Variants in UBXN6 observed in about 807,000 individuals in gnomAD.
UBXN6 encodes UBX domain-containing protein 6.
Under a neutral mutation model 51.4 loss-of-function variants are expected in UBXN6, and 44 were observed. The ratio of observed to expected loss-of-function variants is 0.86; its 90% confidence interval spans 0.67 to 1.10. The LOEUF (loss-of-function observed/expected upper bound fraction) is 1.10, where lower values mean the gene tolerates loss of function less well. Among genes scored for constraint, UBXN6 ranks in the 50% least tolerant of loss-of-function variants. UBXN6 has a pLI of 0.00. For synonymous variants in UBXN6, 316 were observed against 263.2 expected, an observed-to-expected ratio of 1.20 and a Z score of -1.94; for missense variants, 672 against 596.1, an observed-to-expected ratio of 1.13 and a Z score of -1.32.
Position 4,445,568 on chromosome 19 carries a change from TTGA to T in UBXN6, c.1253_1255del (p.Ile418del). On this transcript the variant is annotated inframe_deletion, in exon 11 of 11. Transcript: ENST00000301281. ...GGAGTCCGGCTCGGCCCCCGCGGCC[TTGA>T]TGTCCTCCAGCACAGCCATGTCCCA... 6.2e-7 allele frequency: 1 copy of T among 1,613,806 alleles called. No individual in the cohort carries two copies. The highest frequency in any genetic ancestry group is 8.5e-7 in the Non-Finnish European group (1 of 1,180,008).
intron 4 of UBXN6, chr19:4,450,786 A>AAAAAAAAG (rs1974640527): frequency 7.2e-6 from 1 of 139,780 alleles, no homozygotes; most frequent in African/African-American, 2.7e-5. Context: ...AAAAAAAAAA[A>AAAAAAAAG]GAGTGCCTAC....
rs888797561 is a variant in UBXN6, at chr19:4,445,206, G to T, written c.*292C>A. On this transcript the variant is annotated 3_prime_UTR_variant, in exon 11 of 11. Transcript: ENST00000301281. ...TCTCCTGCCCAGGGAGATGCCACGTGTGTCTGTCCGGCAGCTTCATGACAC... is the reference window on the plus strand; with the variant it reads ...TCTCCTGCCCAGGGAGATGCCACGTTTGTCTGTCCGGCAGCTTCATGACAC... 2.1e-5 allele frequency: 8 copies of T among 389,470 alleles called. No individual in the cohort carries two copies. Among genetic ancestry groups the T allele is most frequent in the African/African-American group, 4.2e-5 (2 of 48,140 alleles). The allele number at this position is 389,470 out of a possible 1,614,324, so 24.1% of individuals were successfully genotyped here.
chr19:4,448,317 C>G lies in UBXN6; in HGVS notation c.539+1G>C. The G allele has an allele frequency of 6.2e-7, 1 of 1,604,044 alleles. No individual in the cohort carries two copies. The highest frequency in any genetic ancestry group is 8.5e-7 in the Non-Finnish European group (1 of 1,176,354). On this transcript the variant is annotated splice_donor_variant, in intron 5 of 10. Coordinates refer to ENST00000301281, the MANE Select transcript of UBXN6 (RefSeq NM_025241.3). LOFTEE classifies it high-confidence loss of function. Reference sequence around the variant, plus strand: ...GCAGGGCAAAGGGGCCACACGCTCACTTGGCAATGGTGTCCACACCCAGCT... The same window carrying G: ...GCAGGGCAAAGGGGCCACACGCTCAGTTGGCAATGGTGTCCACACCCAGCT...
intron 5 of UBXN6, 135 bp downstream of exon 5, chr19:4,448,183 C>G (rs1341702491): frequency 2.6e-6 from 2 of 770,916 alleles, no homozygotes; most frequent in Non-Finnish European, 4.2e-6. Context: ...GTGGAGCTGC[C>G]TCACTCTCGG....
intron 2 of UBXN6, 41 bp downstream of exon 2, chr19:4,453,889 C>G (rs755186878): frequency 6.3e-7 from 1 of 1,592,446 alleles, no homozygotes; most frequent in Non-Finnish European, 8.5e-7. Context: ...CCGAGAACCT[C>G]AAACAGCCCC....
Position 4,457,780 on chromosome 19 carries a change from C to G in UBXN6, c.-83G>C. 1.7e-6 allele frequency: 1 copy of G among 581,966 alleles called. No homozygotes were observed. The highest frequency in any genetic ancestry group is 4.2e-5 in the East Asian group (1 of 23,998). 36.1% of individuals were successfully genotyped at this position (581,966 alleles called of 1,614,324 possible). ...CGGGGACGGGGCCGCCGGAGACCAG[C>G]CACCGGAAGAAAATTAAAAAAAAAA... On this transcript the variant is annotated 5_prime_UTR_variant, in exon 1 of 11. Transcript: ENST00000301281.
chr19:4,453,069 G>A (rs1974681217), intron 3 of UBXN6, among the ~76,000 whole-genome samples: 1 of 152,242 alleles, frequency 6.6e-6, no homozygotes, highest in Admixed American at 6.5e-5. Context: ...CTAGGGGACA[G>A]GCTCTGAAAC....
At chr19:4,447,520 T>C in intron 6 of UBXN6, 30 bp downstream of exon 6, 1 of 1,611,422 alleles carries the variant, frequency 6.2e-7, no homozygotes, top group Non-Finnish European at 8.5e-7. Context: ...ACCCCCAGCC[T>C]GGGCCCCGGG....
chr19:4,453,118 G>T (rs1271916397), intron 3 of UBXN6, among the ~76,000 whole-genome samples: 1 of 152,326 alleles, frequency 6.6e-6, no homozygotes, highest in Non-Finnish European at 1.5e-5. Flanking sequence ...TGGTCCTGGG[G>T]TGTAGGAGAG....
intron 1 of UBXN6, among the ~76,000 whole-genome samples, chr19:4,455,912 A>G (rs1293985543): frequency 1.3e-5 from 2 of 151,774 alleles, no homozygotes; most frequent in East Asian, 3.9e-4. Flanking sequence ...TCATCCAAGC[A>G]CTCATCGCCT....
At position 4,446,906 on chromosome 19, in the gene UBXN6, G is replaced by A. The variant is rs757627514; in HGVS notation, c.630C>T (p.Cys210=). ...QNKVFQERIN[C]LEGTHEFFEA... ...CAAAAAACTCGTGGGTCCCTTCCAG[G>A]CAGTTAATGCGCTCCTGGGGGTGGA... The change falls in exon 7 of 11, where the codon TGC becomes TGT. Residue 210 remains cysteine (C), a synonymous_variant. Transcript: ENST00000301281. The A allele has an allele frequency of 9.3e-6, 15 of 1,613,810 alleles. No homozygotes were observed. The Admixed American group carries it at 1.7e-4, about 18-fold the overall frequency.
rs1474846400 is a variant in UBXN6 at position 4,453,941 on chromosome 19, A to G, written c.236T>C (p.Ile79Thr). 1 of 1,610,140 alleles carries G rather than the reference A, an allele frequency of 6.2e-7. No individual in the cohort carries two copies. The highest frequency in any genetic ancestry group is 8.5e-7 in the Non-Finnish European group (1 of 1,179,786). The stretch of plus-strand genomic sequence containing the variant: ...GGGCCATATCTCACCCTGGTTTCGG[A>G]TGGTGTCCTGCGATGTGGGGCCCCA... ...RAWGPTSQDT[I>T]RNQVRKELQA... Residue 79 changes from isoleucine to threonine, a missense_variant, in exon 2 of 11, where the codon ATC becomes ACC. Transcript: ENST00000301281.
chr19:4,448,579 C>G (rs945800343), intron 4 of UBXN6, 164 bp from the exon 5 acceptor site: 5 of 637,712 alleles, frequency 7.8e-6, no homozygotes, highest in African/African-American at 3.6e-5. Context: ...TCCAAGACCG[C>G]AGCCCTGCCC....
In UBXN6 at chr19:4,453,856, G is replaced by C. The variant is rs894729320; in HGVS notation, c.247+74C>G. On this transcript the variant is annotated intron_variant, in intron 2 of 10. Coordinates refer to ENST00000301281, the MANE Select transcript of UBXN6 (RefSeq NM_025241.3). ...CCCCACGGTTGCTCATGTGACTTCTGCATCCAGGGCCAGGCACCAGGGCCG... is the reference window on the plus strand; with the variant it reads ...CCCCACGGTTGCTCATGTGACTTCTCCATCCAGGGCCAGGCACCAGGGCCG... The C allele has an allele frequency of 7.2e-6, 11 of 1,538,372 alleles. No homozygotes were observed. The African/African-American group carries it at 1.6e-4, about 22-fold the overall frequency.
chr19:4,457,759 G>C lies in UBXN6; in HGVS notation c.-62C>G, dbSNP rs1257046281. 5 of 1,012,794 alleles carry C rather than the reference G, an allele frequency of 4.9e-6. No homozygotes were observed. Among genetic ancestry groups the C allele is most frequent in the Non-Finnish European group, 5.3e-6 (4 of 755,982 alleles). 62.7% of individuals were successfully genotyped at this position (1,012,794 alleles called of 1,614,324 possible). On this transcript the variant is annotated 5_prime_UTR_variant, in exon 1 of 11. Transcript: ENST00000301281. ...CGGGGGGGCACGGGGCCCAGTCGGG[G>C]ACGGGGCCGCCGGAGACCAGCCACC... is the stretch of plus-strand genomic sequence containing the variant.
Position 4,457,741 on chromosome 19 carries a change from GC to G in UBXN6, c.-45del. 1 of 1,353,468 alleles carries G rather than the reference GC, an allele frequency of 7.4e-7. No homozygotes were observed. The allele number at this position is 1,353,468 out of a possible 1,614,324, so 83.8% of individuals were successfully genotyped here. ...GGCGGGGGGCCGCGGGGGCGGGGGG[GC>G]ACGGGGCCCAGTCGGGGACGGGGCC... On this transcript the variant is annotated 5_prime_UTR_variant, in exon 1 of 11. Coordinates refer to ENST00000301281, the MANE Select transcript of UBXN6 (RefSeq NM_025241.3).
Position 4,447,589 on chromosome 19 carries a change from C to T in UBXN6, c.576G>A (p.Glu192=). 1.2e-6 allele frequency: 2 copies of T among 1,613,828 alleles called. No homozygotes were observed. Among genetic ancestry groups the T allele is most frequent in the Middle Eastern group, 1.7e-4 (1 of 6,014 alleles). Residue 192 remains glutamate (E), a synonymous_variant, in exon 6 of 11, where the codon GAG becomes GAA. Transcript: ENST00000301281. ...LDNIHLHPEE[E]KYRKIKLQNK... ...TCTGCAGCTTGATCTTCCGGTACTT[C>T]TCCTCCTCGGGGTGCAGGTGGATGT... is the stretch of plus-strand genomic sequence containing the variant.
intron 1 of UBXN6, among the ~76,000 whole-genome samples, chr19:4,454,549 A>C (rs931226377): frequency 1.3e-5 from 2 of 152,104 alleles, no homozygotes; most frequent in African/African-American, 4.8e-5. Flanking sequence ...CAGCCTCCCA[A>C]GTCGCTGGGA....
chr19:4,446,625 G>A lies in UBXN6; in HGVS notation c.795C>T (p.Pro265=), dbSNP rs377563623. The A allele has an allele frequency of 3.2e-5, 52 of 1,612,420 alleles. No individual in the cohort carries two copies. The African/African-American group carries it at 3.3e-4, about 10-fold the overall frequency. The change falls in exon 8 of 11, where the codon CCC becomes CCT. Residue 265 remains proline (P), a synonymous_variant. Transcript: ENST00000301281. ...GCTGCCTGTCCAGCTTGGCGCGCACGGGCTCCGCAGCCAGCAGCTGTTCCT... is the reference window on the plus strand; with the variant it reads ...GCTGCCTGTCCAGCTTGGCGCGCACAGGCTCCGCAGCCAGCAGCTGTTCCT... ...RHKEQLLAAE[P]VRAKLDRQRR... is the part of the protein sequence containing the mutation.
Sources: gnomAD v4.1 joint callset for allele counts (sites outside exome capture counted in the v4.1 genomes callset) on GRCh38, gnomAD v4.1.1 for gene constraint, MANE v1.5 for transcripts, NCBI Gene and HGNC (gene_info 2026-07-23, HGNC 2026-07-21) for gene names.